Variants in TF observed in about 807,000 individuals in gnomAD.
TF encodes the protein serotransferrin.
Under a neutral mutation model 82.4 loss-of-function variants are expected in TF, and 55 were observed. The observed-to-expected ratio is 0.67, with a 90% confidence interval of 0.54 to 0.84. The LOEUF (loss-of-function observed/expected upper bound fraction) is 0.84, where lower values mean the gene tolerates loss of function less well. Among genes scored for constraint, TF ranks in the 40% least tolerant of loss-of-function variants. The pLI, the probability that TF is intolerant of heterozygous loss-of-function variation, is 0.00. For missense variants in TF, 737 were observed against 868.4 expected (o/e 0.85, Z 1.90); for synonymous variants, 332 against 332.6 (o/e 1.00, Z 0.02).
At chr3:133,749,478 TA>T (rs1461805856) in intron 2 of TF, among the ~76,000 whole-genome samples, 1 of 152,094 alleles carries the variant, frequency 6.6e-6, no homozygotes, top group African/African-American at 2.4e-5. Flanking sequence ...CACGAATAAG[TA>T]AACTACTAAT....
chr3:133,723,477 G>GT, the TF span, among the ~76,000 whole-genome samples: 727 of 133,484 alleles, frequency 5.4e-3, no homozygotes, highest in African/African-American at 0.013. Flanking sequence ...TTTTATTCTT[G>GT]TTTTTTTTTT....
At chr3:133,775,412 C>T in intron 14 of TF, 21 bp from the exon 15 acceptor site, 2 of 1,614,078 alleles carry the variant, frequency 1.2e-6, no homozygotes, top group Non-Finnish European at 1.7e-6. Flanking sequence ...ATCAGCTGAA[C>T]CACCTTCTTC....
chr3:133,736,631 C>CAAAAAAAAAAAAAAAAAAA, the TF span, among the ~76,000 whole-genome samples: 1 of 32,560 alleles, frequency 3.1e-5, no homozygotes, highest in African/African-American at 1.3e-4. Flanking sequence ...AATGGAAAGC[C>CAAAAAAAAAAAAAAAAAAA]AAAAAAAAAA....
the TF span, among the ~76,000 whole-genome samples, chr3:133,740,621 G>T: frequency 6.6e-6 from 1 of 151,972 alleles, no homozygotes; most frequent in Non-Finnish European, 1.5e-5. Flanking sequence ...ATGAGCCACC[G>T]TGCCCAGCCT....
chr3:133,776,057 T>C (rs8177304), intron 15 of TF, among the ~76,000 whole-genome samples: 60 of 152,194 alleles, frequency 3.9e-4, no homozygotes, highest in African/African-American at 1.4e-3. Flanking sequence ...GGTGATTAGA[T>C]CTGATCCATG....
Position 133,756,169 on chromosome 3 carries a change from G to A in TF, c.636-113G>A, listed in dbSNP as rs1336494395. The A allele has an allele frequency of 3.8e-5, 38 of 1,006,600 alleles. No individual in the cohort carries two copies. In the East Asian group the frequency reaches 9.3e-4, roughly 25 times the overall value. 62.4% of individuals were successfully genotyped at this position (1,006,600 alleles called of 1,614,324 possible). A position where few individuals can be genotyped will look rare whatever the true frequency, so the allele number is the denominator to read the frequency against. ...CACCATGGTGTTGCTTCAGCTACGG[G>A]GCTGCACCAGGCTCTATCCTAGTGT... is the stretch of plus-strand genomic sequence containing the variant. On this transcript the variant is annotated intron_variant, in intron 5 of 16. Transcript: ENST00000402696.
chr3:133,675,410 G>A, the TF span, among the ~76,000 whole-genome samples: 2 of 152,158 alleles, frequency 1.3e-5, no homozygotes, highest in Non-Finnish European at 2.9e-5. Flanking sequence ...TTTCAGGCTT[G>A]TCCAAGTCAA....
At position 133,780,346 on chromosome 3, in the gene TF, C is replaced by A. The variant is rs1934490824; in HGVS notation, c.*1726C>A. ...TGTCTCATTGCAATGGATCAATAAA[C>A]CTAATTTTATTACACTACAGGTATA... On this transcript the variant is annotated 3_prime_UTR_variant, in exon 17 of 17. Coordinates refer to ENST00000402696, the MANE Select transcript of TF (RefSeq NM_001063.4). 1.3e-5 allele frequency: 2 copies of A among 152,152 alleles called. No homozygotes were observed. The highest frequency in any genetic ancestry group is 2.9e-5 in the Non-Finnish European group (2 of 68,028). 9.4% of individuals were successfully genotyped at this position (152,152 alleles called of 1,614,324 possible). A position where few individuals can be genotyped will look rare whatever the true frequency, so the allele number is the denominator to read the frequency against.
the TF span, among the ~76,000 whole-genome samples, chr3:133,732,377 T>A: frequency 2.0e-5 from 3 of 152,072 alleles, no homozygotes; most frequent in African/African-American, 7.2e-5. Context: ...AACGGACCAA[T>A]CAGCACTCTG....
At chr3:133,708,464 A>G in the TF span, among the ~76,000 whole-genome samples, 1 of 152,108 alleles carries the variant, frequency 6.6e-6, no homozygotes, top group Admixed American at 6.6e-5. Context: ...GTTCCTAATA[A>G]TGGTAGCTAT....
At chr3:133,697,475 T>C in the TF span, among the ~76,000 whole-genome samples, 71 of 152,348 alleles carry the variant, frequency 4.7e-4, no homozygotes, top group East Asian at 0.013. Flanking sequence ...CCTGAAGTAT[T>C]TGAAAACATC....
At chr3:133,733,683 G>A in the TF span, among the ~76,000 whole-genome samples, 1 of 152,170 alleles carries the variant, frequency 6.6e-6, no homozygotes, top group South Asian at 2.1e-4. Context: ...AGGAGAAGGA[G>A]CCCTTGGCTT....
the TF span, among the ~76,000 whole-genome samples, chr3:133,705,021 T>C: frequency 1.3e-5 from 2 of 152,212 alleles, no homozygotes; most frequent in African/African-American, 2.4e-5. Flanking sequence ...ACACCTGTAA[T>C]CCCAGCACTT....
In TF at chr3:133,756,957, G is replaced by A. The variant is rs748119838; in HGVS notation, c.818G>A (p.Arg273Gln). 1.5e-5 allele frequency: 24 copies of A among 1,614,034 alleles called. No homozygotes were observed. The highest frequency in any genetic ancestry group is 2.2e-5 in the South Asian group (2 of 91,080). ...AQVPSHTVVA[R>Q]SMGGKEDLIW... ...GTCCCTTCTCATACCGTCGTGGCCC[G>A]AAGTATGGGCGGCAAGGAGGACTTG... Residue 273 changes from arginine (R) to glutamine (Q), a missense_variant, in exon 7 of 17, where the codon CGA (arginine) becomes CAA (glutamine). By Grantham distance (43) the Arg-to-Gln change is conservative. Transcript: ENST00000402696.
rs41296596 is a variant in TF at position 133,775,381 on chromosome 3, C to T, written c.1688-52C>T. 1,052 of 1,594,122 alleles carry T rather than the reference C, an allele frequency of 6.6e-4. 2 individuals carry two copies. The African/African-American group carries it at 0.01, about 15-fold the overall frequency. Reference sequence around the variant, plus strand: ...CACTGAGTCAGTTCCATCTCCCCAGCGGGGCACCTTGACCAAAGCCATCAG... The same window carrying T: ...CACTGAGTCAGTTCCATCTCCCCAGTGGGGCACCTTGACCAAAGCCATCAG... On this transcript the variant is annotated intron_variant, in intron 14 of 16. Coordinates refer to ENST00000402696, the MANE Select transcript of TF (RefSeq NM_001063.4).
chr3:133,776,119 G>A (rs1035495338), intron 15 of TF, among the ~76,000 whole-genome samples: 6 of 152,120 alleles, frequency 3.9e-5, no homozygotes, highest in African/African-American at 1.2e-4. Flanking sequence ...CTTGTTCAGG[G>A]GTACCCTCAT....
Position 133,757,425 on chromosome 3 carries a change from G to A in TF, c.871-344G>A, listed in dbSNP as rs563343381. 2.0e-3 allele frequency among the ~76,000 whole-genome samples: 310 copies of A among 152,250 alleles called. 1 individual carries two copies. The highest frequency in any genetic ancestry group is 0.017 in the Middle Eastern group (5 of 294). On this transcript the variant is annotated intron_variant, in intron 7 of 16. Coordinates refer to ENST00000402696, the MANE Select transcript of TF (RefSeq NM_001063.4). ...TACTTCCCAAGAGCTGTGTGATTTG[G>A]GCTCAGCCAGCTTCCTCTTGCCGAG...
the TF span, among the ~76,000 whole-genome samples, chr3:133,699,231 T>A: frequency 6.6e-6 from 1 of 152,258 alleles, no homozygotes; most frequent in African/African-American, 2.4e-5. Flanking sequence ...CCAGGCACAC[T>A]GCCCAGCCCT....
the TF span, among the ~76,000 whole-genome samples, chr3:133,677,511 C>G: frequency 1.3e-5 from 2 of 152,028 alleles, no homozygotes; most frequent in African/African-American, 4.8e-5. Flanking sequence ...GTGGTGGGCG[C>G]CTGCGATCCC....
Sources: gnomAD v4.1 joint callset for allele counts (sites outside exome capture counted in the v4.1 genomes callset) on GRCh38, gnomAD v4.1.1 for gene constraint, MANE v1.5 for transcripts, NCBI Gene and HGNC (gene_info 2026-07-23, HGNC 2026-07-21) for gene names.